QTMAN: variants seen among roughly 807,000 people sequenced by gnomAD.
QTMAN encodes queuosine-tRNA mannosyltransferase.
chr2:144,079,885 A>T, the QTMAN span, among the ~76,000 whole-genome samples: 2 of 152,142 alleles, frequency 1.3e-5, no homozygotes, highest in Non-Finnish European at 2.9e-5. Context: ...AGGACATTAC[A>T]TTTTAAATAC....
At chr2:144,037,717 A>G in the QTMAN span, among the ~76,000 whole-genome samples, 13 of 152,308 alleles carry the variant, frequency 8.5e-5, no homozygotes, top group East Asian at 2.3e-3. Flanking sequence ...CCTAAGAAAA[A>G]CAATTTTCTA....
At chr2:144,301,382 C>T in the QTMAN span, among the ~76,000 whole-genome samples, 1 of 152,116 alleles carries the variant, frequency 6.6e-6, no homozygotes, top group Admixed American at 6.5e-5. Flanking sequence ...ACCACCACGC[C>T]CAGCTACTTT....
chr2:144,144,763 A>G, the QTMAN span, among the ~76,000 whole-genome samples: 5 of 151,956 alleles, frequency 3.3e-5, no homozygotes, highest in Non-Finnish European at 1.5e-5. Flanking sequence ...ACTATGAAAC[A>G]TTCTTGCAAG....
At chr2:144,055,941 T>C in the QTMAN span, among the ~76,000 whole-genome samples, 4 of 152,206 alleles carry the variant, frequency 2.6e-5, no homozygotes, top group Admixed American at 6.5e-5. Flanking sequence ...GGATTAAATA[T>C]TGGCCGCACC....
At chr2:144,061,639 T>C in the QTMAN span, among the ~76,000 whole-genome samples, 1 of 152,150 alleles carries the variant, frequency 6.6e-6, no homozygotes, top group African/African-American at 2.4e-5. Flanking sequence ...GTAGGTACTA[T>C]TAATGCTGCT....
chr2:144,256,131 C>CA, the QTMAN span, among the ~76,000 whole-genome samples: 26 of 150,466 alleles, frequency 1.7e-4, no homozygotes, highest in South Asian at 2.9e-3. Flanking sequence ...ATAACAACAA[C>CA]AAAAAAAAAT....
chr2:144,267,178 G>A, the QTMAN span, among the ~76,000 whole-genome samples: 5 of 152,194 alleles, frequency 3.3e-5, no homozygotes, highest in Non-Finnish European at 7.3e-5. Flanking sequence ...AGAATCACCG[G>A]CAATACCCAT....
the QTMAN span, among the ~76,000 whole-genome samples, chr2:144,148,037 C>T: frequency 2.6e-5 from 4 of 151,720 alleles, no homozygotes; most frequent in Admixed American, 2.6e-4. Flanking sequence ...CTTTAGTGGA[C>T]ACTGGAAGGG....
chr2:144,257,061 GAC>G, the QTMAN span, among the ~76,000 whole-genome samples: 5 of 137,398 alleles, frequency 3.6e-5, no homozygotes, highest in Non-Finnish European at 6.2e-5. Context: ...ATGAGCAGAA[GAC>G]AGTCTCTACT....
At chr2:144,024,986 G>A in the QTMAN span, among the ~76,000 whole-genome samples, 4 of 152,106 alleles carry the variant, frequency 2.6e-5, no homozygotes, top group African/African-American at 7.2e-5. Context: ...CCCATCACAC[G>A]AAATAACTCC....
the QTMAN span, among the ~76,000 whole-genome samples, chr2:144,080,344 A>G: frequency 6.6e-6 from 1 of 152,136 alleles, no homozygotes; most frequent in Non-Finnish European, 1.5e-5. Flanking sequence ...GTTTAAGCAC[A>G]GTTTAAAAGT....
chr2:144,315,459 C>T, the QTMAN span, among the ~76,000 whole-genome samples: 22 of 152,180 alleles, frequency 1.4e-4, no homozygotes, highest in African/African-American at 5.1e-4. Flanking sequence ...ATTACCTGAA[C>T]TAGCTGGTCA....
At chr2:144,051,414 T>A in the QTMAN span, among the ~76,000 whole-genome samples, 4 of 152,106 alleles carry the variant, frequency 2.6e-5, no homozygotes, top group Admixed American at 6.5e-5. Flanking sequence ...TACGCATCTT[T>A]ACTACCAGCT....
the QTMAN span, among the ~76,000 whole-genome samples, chr2:144,188,903 G>A: frequency 1.3e-5 from 2 of 152,010 alleles, no homozygotes; most frequent in Non-Finnish European, 2.9e-5. Context: ...CTTCTATGTG[G>A]ACAAAATGTT....
the QTMAN span, chr2:143,940,663 G>C: frequency 1.3e-5 from 2 of 152,202 alleles, no homozygotes; most frequent in African/African-American, 2.4e-5. Flanking sequence ...TTTGGGATGA[G>C]GGGGAGCAGG....
At chr2:144,109,760 C>T in the QTMAN span, among the ~76,000 whole-genome samples, 12 of 151,898 alleles carry the variant, frequency 7.9e-5, no homozygotes, top group Non-Finnish European at 1.3e-4. Context: ...CAAAAGAAGA[C>T]ATTTATGCAG....
the QTMAN span, among the ~76,000 whole-genome samples, chr2:144,267,801 G>A: frequency 3.3e-5 from 5 of 152,086 alleles, no homozygotes; most frequent in Non-Finnish European, 4.4e-5. Flanking sequence ...CCCTAATAGC[G>A]ATCTAAACTT....
the QTMAN span, among the ~76,000 whole-genome samples, chr2:144,121,130 A>T: frequency 1.3e-4 from 20 of 152,298 alleles, no homozygotes; most frequent in Non-Finnish European, 2.1e-4. Flanking sequence ...GAAGAGACTC[A>T]GAGCCATTGA....
the QTMAN span, among the ~76,000 whole-genome samples, chr2:144,004,169 C>T: frequency 6.6e-6 from 1 of 151,972 alleles, no homozygotes; most frequent in Non-Finnish European, 1.5e-5. Flanking sequence ...AAGAAAACCC[C>T]CCTTTTCAAG....
Sources: gnomAD v4.1 joint callset for allele counts (sites outside exome capture counted in the v4.1 genomes callset) on GRCh38, gnomAD v4.1.1 for gene constraint, MANE v1.5 for transcripts, NCBI Gene and HGNC (gene_info 2026-07-23, HGNC 2026-07-21) for gene names.